The following RALGAPA1 variants were observed in gnomAD, a reference collection of about 807,000 sequenced individuals.
RALGAPA1 encodes the protein ral GTPase-activating protein subunit alpha-1.
In RALGAPA1, 52 loss-of-function variants were observed where a neutral mutation model predicts 269.6. The observed-to-expected ratio is 0.19, with a 90% CI of 0.15 to 0.24. The LOEUF (loss-of-function observed/expected upper bound fraction) is 0.24. RALGAPA1 is among the 10% of genes least tolerant of loss of function. RALGAPA1 has a pLI of 1.00. For missense variants in RALGAPA1, 1,917 were observed against 3,013.9 expected, an observed-to-expected ratio of 0.64 and a Z score of 8.52; for synonymous variants, 817 against 1,008.3, an observed-to-expected ratio of 0.81 and a Z score of 3.60.
intron 1 of RALGAPA1, among the ~76,000 whole-genome samples, chr14:35,806,451 G>A (rs560933190): frequency 5.3e-5 from 8 of 152,084 alleles, no homozygotes; most frequent in South Asian, 2.1e-4. Context: ...AATCAATTAT[G>A]CAACAGTATC....
chr14:35,778,091 C>T (rs1401652667), intron 1 of RALGAPA1, among the ~76,000 whole-genome samples: 1 of 152,064 alleles, frequency 6.6e-6, no homozygotes, highest in African/African-American at 2.4e-5. Flanking sequence ...GACAGGGTCT[C>T]ACTCTATCAC....
At chr14:35,635,367 G>T in intron 32 of RALGAPA1, 97 bp downstream of exon 32, 1 of 1,312,586 alleles carries the variant, frequency 7.6e-7, no homozygotes, top group Non-Finnish European at 1.0e-6. Context: ...AAATTTTCTA[G>T]CTCTAAAAGA....
intron 37 of RALGAPA1, among the ~76,000 whole-genome samples, chr14:35,589,504 A>T (rs2058507872): frequency 6.6e-6 from 1 of 152,212 alleles, no homozygotes; most frequent in African/African-American, 2.4e-5. Flanking sequence ...AATGTGTTGT[A>T]TATCATAAAT....
intron 35 of RALGAPA1, among the ~76,000 whole-genome samples, chr14:35,610,515 C>T (rs560380001): frequency 5.9e-5 from 9 of 152,232 alleles, no homozygotes; most frequent in African/African-American, 2.2e-4. Context: ...ATCTCCTGAC[C>T]TTGTGATCCG....
At chr14:35,588,644 T>C (rs1030974549) in intron 37 of RALGAPA1, among the ~76,000 whole-genome samples, 2 of 152,262 alleles carry the variant, frequency 1.3e-5, no homozygotes, top group South Asian at 2.1e-4. Flanking sequence ...CTTTGTTACA[T>C]AGGTAGTGGG....
At chr14:35,792,771 CTG>C (rs1410829614) in intron 1 of RALGAPA1, among the ~76,000 whole-genome samples, 1 of 122,760 alleles carries the variant, frequency 8.1e-6, no homozygotes, top group East Asian at 2.4e-4. Context: ...GAGTGAGACC[CTG>C]TCTCAAAAAA....
chr14:35,646,812 A>AAGTAGTC (rs1237884980), intron 31 of RALGAPA1, among the ~76,000 whole-genome samples: 1 of 152,194 alleles, frequency 6.6e-6, no homozygotes, highest in African/African-American at 2.4e-5. Context: ...AAACACAATA[A>AAGTAGTC]AGTAGTCAGC....
intron 39 of RALGAPA1, among the ~76,000 whole-genome samples, chr14:35,569,737 A>C (rs7143430): frequency 6.6e-6 from 1 of 152,138 alleles, no homozygotes; most frequent in Non-Finnish European, 1.5e-5. Flanking sequence ...TCACTGTTTC[A>C]GAAGTGTTTC....
At chr14:35,704,523 A>G (rs1020296665) in intron 16 of RALGAPA1, among the ~76,000 whole-genome samples, 2 of 152,154 alleles carry the variant, frequency 1.3e-5, no homozygotes, top group Non-Finnish European at 2.9e-5. Context: ...AAGAAAAAAC[A>G]AAAAAATTCT....
Position 35,753,359 on chromosome 14 carries a change from T to C in RALGAPA1, c.664-1197A>G, listed in dbSNP as rs530178727. Among the ~76,000 whole-genome samples, 18 of 152,290 alleles carry C rather than the reference T, an allele frequency of 1.2e-4. No individual in the cohort carries two copies. The East Asian group carries it at 3.5e-3, about 29-fold the overall frequency. ...ATGGGGAGGGGAGAAAGCTTTTTCC[T>C]ACAGTATGTAGCCAACTCTTGAATG... is the stretch of plus-strand genomic sequence containing the variant. On this transcript the variant is annotated intron_variant, in intron 7 of 41. Transcript: ENST00000680220.
chr14:35,554,338 CTTTTTTT>C (rs869302363), intron 39 of RALGAPA1, among the ~76,000 whole-genome samples: 2 of 85,760 alleles, frequency 2.3e-5, no homozygotes, highest in East Asian at 4.0e-4. Context: ...AATACACTTT[CTTTTTTT>C]TTTTTTTTTT....
chr14:35,806,917 CA>C (rs1221201419), intron 1 of RALGAPA1, among the ~76,000 whole-genome samples: 1 of 152,118 alleles, frequency 6.6e-6, no homozygotes, highest in Non-Finnish European at 1.5e-5. Flanking sequence ...ATAACGACAA[CA>C]ATAAAAGACT....
chr14:35,782,622 C>T (rs1297228059), intron 1 of RALGAPA1, among the ~76,000 whole-genome samples: 2 of 151,824 alleles, frequency 1.3e-5, no homozygotes, highest in African/African-American at 2.4e-5. Flanking sequence ...TTAGTAGAGA[C>T]GAGGTTGGCC....
intron 1 of RALGAPA1, chr14:35,807,770 T>A (rs2077477329): frequency 6.6e-6 from 1 of 152,224 alleles, no homozygotes; most frequent in African/African-American, 2.4e-5. Flanking sequence ...AGGGACTTAC[T>A]TTTTTCACTA....
intron 19 of RALGAPA1, among the ~76,000 whole-genome samples, chr14:35,686,022 A>G (rs1462126097): frequency 2.0e-5 from 3 of 152,166 alleles, no homozygotes; most frequent in African/African-American, 7.2e-5. Context: ...GTCTCTTCCA[A>G]AGTTATCTAA....
intron 9 of RALGAPA1, among the ~76,000 whole-genome samples, 185 bp from the exon 10 acceptor site, chr14:35,749,009 A>G (rs1312517368): frequency 1.3e-5 from 2 of 152,150 alleles, no homozygotes; most frequent in East Asian, 3.8e-4. Flanking sequence ...TGGCAATGCA[A>G]GTAACTCAAC....
chr14:35,753,018 A>G (rs1299468123), intron 7 of RALGAPA1, among the ~76,000 whole-genome samples: 3 of 152,182 alleles, frequency 2.0e-5, no homozygotes, highest in African/African-American at 7.2e-5. Flanking sequence ...AGGCAGAAAC[A>G]TGGATTTGTG....
chr14:35,561,533 G>C (rs1415918367), intron 39 of RALGAPA1, among the ~76,000 whole-genome samples: 1 of 33,984 alleles, frequency 2.9e-5, no homozygotes, highest in African/African-American at 1.0e-4. Flanking sequence ...TTTTTTTTTT[G>C]AGACAGAGTC....
At chr14:35,622,339 G>A (rs748106220) in intron 35 of RALGAPA1, among the ~76,000 whole-genome samples, 4 of 151,320 alleles carry the variant, frequency 2.6e-5, no homozygotes, top group Non-Finnish European at 5.9e-5. Context: ...ATAGGGTGGG[G>A]AATATCACAC....
Sources: gnomAD v4.1 joint callset for allele counts (sites outside exome capture counted in the v4.1 genomes callset) on GRCh38, gnomAD v4.1.1 for gene constraint, MANE v1.5 for transcripts, NCBI Gene and HGNC (gene_info 2026-07-23, HGNC 2026-07-21) for gene names.